OSTF1: variants seen among roughly 807,000 people sequenced by gnomAD.
OSTF1 encodes the protein osteoclast stimulating factor 1, also known as osteoclast-stimulating factor 1.
Under a neutral mutation model 37.2 loss-of-function variants are expected in OSTF1, and 27 were observed. The ratio of observed to expected loss-of-function variants is 0.73; its 90% CI spans 0.54 to 1.00. OSTF1 has a LOEUF of 1.00. Among genes scored for constraint, OSTF1 ranks in the 50% least tolerant of loss-of-function variants. The pLI is 0.00. For synonymous variants in OSTF1, 82 were observed against 89.2 expected, an observed-to-expected ratio of 0.92 and a Z score of 0.46; for missense variants, 232 against 253.8, an observed-to-expected ratio of 0.91 and a Z score of 0.58.
chr9:75,132,321 CTGGGGAAGA>C (rs4013823), intron 5 of OSTF1, among the ~76,000 whole-genome samples: 35,683 of 152,040 alleles, frequency 0.23, 4,280 homozygotes, highest in Non-Finnish European at 0.25. Flanking sequence ...AGGGATGAAC[CTGGGGAAGA>C]TCCTTGACCA....
At chr9:75,103,965 A>C (rs187160530) in intron 1 of OSTF1, among the ~76,000 whole-genome samples, 2 of 152,314 alleles carry the variant, frequency 1.3e-5, no homozygotes, top group East Asian at 3.9e-4. Flanking sequence ...GTTATGGCTC[A>C]TGCCTGTAAT....
intron 1 of OSTF1, among the ~76,000 whole-genome samples, chr9:75,105,384 A>G (rs932169820): frequency 2.0e-5 from 3 of 152,234 alleles, no homozygotes; most frequent in Admixed American, 1.3e-4. Context: ...CAACTCTGCC[A>G]TGGTATAATG....
chr9:75,124,091 A>C (rs1355545055), intron 2 of OSTF1, among the ~76,000 whole-genome samples: 1 of 152,222 alleles, frequency 6.6e-6, no homozygotes, highest in Non-Finnish European at 1.5e-5. Flanking sequence ...TTTTTTTAAA[A>C]AATTGAGGTA....
rs74867112 is a variant in OSTF1 at position 75,146,668 on chromosome 9, T to A, written c.587-15T>A. 9,183 of 1,598,166 alleles carry A rather than the reference T, an allele frequency of 5.7e-3. 450 individuals carry two copies. In the African/African-American group the frequency reaches 0.11, roughly 19 times the overall value. On this transcript the variant is annotated splice_polypyrimidine_tract_variant and intron_variant, in intron 9 of 9. Transcript: ENST00000346234. Reference sequence around the variant, plus strand: ...AATTTCCCTATTTTGCTTTTTTCCCTCCTCTTTCTTTCAGATGCAGTTCGA... The same window carrying A: ...AATTTCCCTATTTTGCTTTTTTCCCACCTCTTTCTTTCAGATGCAGTTCGA...
intron 2 of OSTF1, 77 bp from the exon 3 acceptor site, chr9:75,127,492 A>G (rs1825679718): frequency 2.5e-6 from 2 of 786,504 alleles, no homozygotes; most frequent in South Asian, 1.7e-5. Context: ...TTAGAATATG[A>G]TAGAATTTTG....
At chr9:75,101,583 CAA>C (rs1206215650) in intron 1 of OSTF1, among the ~76,000 whole-genome samples, 1 of 152,182 alleles carries the variant, frequency 6.6e-6, no homozygotes, top group African/African-American at 2.4e-5. Context: ...GTTTTCTGAA[CAA>C]AGAGGGGCTC....
chr9:75,099,207 G>A (rs1023796547), intron 1 of OSTF1, among the ~76,000 whole-genome samples: 16 of 151,870 alleles, frequency 1.1e-4, no homozygotes, highest in African/African-American at 3.9e-4. Context: ...CAAAGTGCTG[G>A]GATTACAGGG....
chr9:75,090,294 G>GGTGTGT (rs3837221), intron 1 of OSTF1, among the ~76,000 whole-genome samples: 14 of 149,346 alleles, frequency 9.4e-5, no homozygotes, highest in Admixed American at 3.3e-4. Context: ...GACATTGACA[G>GGTGTGT]GTGTGTGTGT....
intron 1 of OSTF1, among the ~76,000 whole-genome samples, chr9:75,101,779 T>C (rs931108959): frequency 7.2e-5 from 11 of 152,210 alleles, no homozygotes; most frequent in African/African-American, 2.7e-4. Context: ...GATTGAGCTC[T>C]TAGCTTAAGC....
chr9:75,112,997 T>C, intron 1 of OSTF1, among the ~76,000 whole-genome samples: 1 of 152,092 alleles, frequency 6.6e-6, no homozygotes, highest in East Asian at 1.9e-4. Context: ...GCTTGGTGTT[T>C]CCTTTCTTCA....
At chr9:75,130,551 CACT>C in intron 3 of OSTF1, 24 bp from the exon 4 acceptor site, 1 of 1,500,050 alleles carries the variant, frequency 6.7e-7, no homozygotes, top group Non-Finnish European at 9.3e-7. Flanking sequence ...GATTTCATAC[CACT>C]TAATTTAACT....
At chr9:75,095,984 C>G (rs1272820440) in intron 1 of OSTF1, among the ~76,000 whole-genome samples, 4 of 152,134 alleles carry the variant, frequency 2.6e-5, no homozygotes, top group Non-Finnish European at 4.4e-5. Context: ...CTCCGCCTCC[C>G]GGGTTCACGC....
At position 75,106,646 on chromosome 9, in the gene OSTF1, G is replaced by GAA. The variant is rs555955744; in HGVS notation, c.35-10840_35-10839dup. 8.3e-4 allele frequency among the ~76,000 whole-genome samples: 60 copies of GAA among 72,220 alleles called. 1 individual carries two copies. The highest frequency in any genetic ancestry group is 1.5e-3 in the African/African-American group (29 of 19,704). The allele number at this position is 72,220 out of a possible 152,430, so 47.4% of individuals were successfully genotyped here. A position where few individuals can be genotyped will look rare whatever the true frequency, so the allele number is the denominator to read the frequency against. ...GGCAACAAGAGTGAAATTCCATCTC[G>GAA]AAAAAAAAAAAAAAAAAAAGCAGTG... On this transcript the variant is annotated intron_variant, in intron 1 of 9. Transcript: ENST00000346234.
At chr9:75,134,265 CTT>C (rs896329629) in intron 6 of OSTF1, 79 bp from the exon 7 acceptor site, 23 of 588,520 alleles carry the variant, frequency 3.9e-5, no homozygotes, top group African/African-American at 3.9e-4. Flanking sequence ...AAGAATCTCT[CTT>C]TTATAAAATT....
Position 75,133,313 on chromosome 9 carries a change from A to G in OSTF1, c.270A>G (p.Arg90=). ...AAKRGNLSWL[R]ECLDNRVGVN... ...TTTCAGGCAACTTGAGCTGGTTGAG[A>G]GAGTGTTTGGACAACAGAGTGGGTG... The change falls in exon 6 of 10, where the codon AGA becomes AGG. Residue 90 remains arginine (R), a synonymous_variant. Transcript: ENST00000346234. 1.2e-6 allele frequency: 2 copies of G among 1,610,430 alleles called. No individual in the cohort carries two copies. The highest frequency in any genetic ancestry group is 1.1e-5 in the South Asian group (1 of 90,852).
At chr9:75,101,078 T>G (rs1479665121) in intron 1 of OSTF1, among the ~76,000 whole-genome samples, 3 of 152,026 alleles carry the variant, frequency 2.0e-5, no homozygotes, top group Non-Finnish European at 4.4e-5. Context: ...TTTTTGGGAG[T>G]CACTTGGACT....
Position 75,128,443 on chromosome 9 carries a change from TATATATTTTGTCC to T in OSTF1, c.132+831_132+843del, listed in dbSNP as rs1825701510. On this transcript the variant is annotated intron_variant, in intron 3 of 9. Transcript: ENST00000346234. The stretch of plus-strand genomic sequence containing the variant: ...TATATATATATTTTGTCCATATATA[TATATATTTTGTCC>T]ATATATATATATATTTTGTCCATAT... Among the ~76,000 whole-genome samples, 4 of 91,616 alleles carry T rather than the reference TATATATTTTGTCC, an allele frequency of 4.4e-5. 2 individuals carry two copies. The highest frequency in any genetic ancestry group is 1.8e-4 in the African/African-American group (4 of 22,630). The allele number at this position is 91,616 out of a possible 152,430, so 60.1% of individuals were successfully genotyped here.
At chr9:75,130,199 A>C (rs1038222678) in intron 3 of OSTF1, among the ~76,000 whole-genome samples, 1 of 152,160 alleles carries the variant, frequency 6.6e-6, no homozygotes, top group Non-Finnish European at 1.5e-5. Flanking sequence ...AGATAATATA[A>C]AGAGATCTTT....
intron 1 of OSTF1, among the ~76,000 whole-genome samples, chr9:75,109,258 C>T (rs541023903): frequency 3.7e-3 from 557 of 152,166 alleles, no homozygotes; most frequent in Non-Finnish European, 5.7e-3. Flanking sequence ...GTGATCTGCC[C>T]GCCTCCACCT....
Sources: allele counts gnomAD v4.1 joint callset (sites outside exome capture counted in the v4.1 genomes callset), GRCh38; gene constraint gnomAD v4.1.1; transcripts MANE v1.5; gene names NCBI Gene and HGNC (gene_info 2026-07-23, HGNC 2026-07-21).